The following SYNJ2 variants were observed in gnomAD, a reference collection of about 807,000 sequenced individuals.
SYNJ2 encodes polyphosphatidylinositol phosphatase SYNJ2.
SYNJ2 carries 116 observed loss-of-function variants against 141.3 expected under a neutral mutation model. The ratio of observed to expected loss-of-function variants is 0.82; its 90% CI spans 0.71 to 0.96. SYNJ2 has a LOEUF of 0.96. SYNJ2 is among the 40% of genes least tolerant of loss of function. The pLI, the probability that SYNJ2 is intolerant of heterozygous loss-of-function variation, is 0.00. For missense variants in SYNJ2, 1,873 were observed against 1,934.8 expected (o/e 0.97, Z 0.60); for synonymous variants, 745 against 777.7 (o/e 0.96, Z 0.70).
intron 9 of SYNJ2, 47 bp from the exon 10 acceptor site, chr6:158,064,554 G>T: frequency 6.2e-7 from 1 of 1,604,278 alleles, no homozygotes; most frequent in Non-Finnish European, 8.5e-7. Flanking sequence ...TGGCTGCAGG[G>T]CCTCTGTGGG....
intron 8 of SYNJ2, among the ~76,000 whole-genome samples, chr6:158,062,373 A>G (rs1227790694): frequency 3.3e-5 from 5 of 152,086 alleles, no homozygotes; most frequent in African/African-American, 1.2e-4. Flanking sequence ...GACGCCGGGA[A>G]TCTTGGGTTC....
chr6:158,064,815 G>C lies in SYNJ2; in HGVS notation c.1360-11G>C. The C allele has an allele frequency of 6.2e-7, 1 of 1,609,044 alleles. No homozygotes were observed. Among genetic ancestry groups the C allele is most frequent in the African/African-American group, 1.3e-5 (1 of 75,024 alleles). On this transcript the variant is annotated splice_polypyrimidine_tract_variant and intron_variant, in intron 10 of 26. Transcript: ENST00000355585. Reference sequence around the variant, plus strand: ...ACCCCCCTCACGGCCTGCGGTCTGGGCTCTCGGCAGGTGGGGAAGCTGAAG... The same window carrying C: ...ACCCCCCTCACGGCCTGCGGTCTGGCCTCTCGGCAGGTGGGGAAGCTGAAG...
chr6:158,064,753 AGGGCCCCGCCGAGGGGGCAGGGTGG>A lies in SYNJ2; in HGVS notation c.1359+11_1359+35del. 1 of 1,613,424 alleles carries A rather than the reference AGGGCCCCGCCGAGGGGGCAGGGTGG, an allele frequency of 6.2e-7. No individual in the cohort carries two copies. The highest frequency in any genetic ancestry group is 8.5e-7 in the Non-Finnish European group (1 of 1,179,806). ...GAGCCCTGGAAGGGAAGGCCAAGGT[AGGGCCCCGCCGAGGGGGCAGGGTGG>A]GGGCCCCAGGGACCCCCCTCACGGC... On this transcript the variant is annotated splice_donor_5th_base_variant and intron_variant, in intron 10 of 26. Transcript: ENST00000355585.
At chr6:157,995,470 C>T (rs1322021866) in intron 1 of SYNJ2, among the ~76,000 whole-genome samples, 1 of 152,258 alleles carries the variant, frequency 6.6e-6, no homozygotes, top group Non-Finnish European at 1.5e-5. Flanking sequence ...TGCCTGCCTT[C>T]TCTTCTGAAC....
chr6:157,984,356 G>A (rs13208672), intron 1 of SYNJ2, among the ~76,000 whole-genome samples: 1 of 151,960 alleles, frequency 6.6e-6, no homozygotes, highest in Non-Finnish European at 1.5e-5. Context: ...TGTTCCAAAG[G>A]GCTAGCTAGC....
chr6:158,083,372 T>C, intron 20 of SYNJ2, 57 bp from the exon 21 acceptor site: 1 of 1,582,024 alleles, frequency 6.3e-7, no homozygotes, highest in Admixed American at 1.7e-5. Flanking sequence ...CATTGTGTGA[T>C]CAACAGGAGG....
At chr6:158,023,677 C>T (rs1326237034) in intron 2 of SYNJ2, among the ~76,000 whole-genome samples, 1 of 152,158 alleles carries the variant, frequency 6.6e-6, no homozygotes, top group Non-Finnish European at 1.5e-5. Flanking sequence ...CTTCTGGAAG[C>T]TCACCGTGTG....
At chr6:158,056,869 G>A (rs771910191) in intron 6 of SYNJ2, among the ~76,000 whole-genome samples, 13 of 152,174 alleles carry the variant, frequency 8.5e-5, no homozygotes, top group Admixed American at 3.3e-4. Flanking sequence ...CCTGTTAGCC[G>A]AGGCGGTCTC....
At position 158,059,329 on chromosome 6, in the gene SYNJ2, G is replaced by A. The variant is rs772010086; in HGVS notation, c.930G>A (p.Glu310=). ...VVNLLGSRGG[E]EVLNRAFKKL... ...ACCTTCTGGGAAGCAGAGGCGGAGA[G>A]GAGGTGCTCAACAGAGCCTTCAAGG... The change falls in exon 7 of 27, where the codon GAG becomes GAA. Residue 310 remains glutamate (E), a synonymous_variant. Coordinates refer to ENST00000355585, the MANE Select transcript of SYNJ2 (RefSeq NM_003898.4). The A allele has an allele frequency of 7.7e-6, 12 of 1,550,672 alleles. No individual in the cohort carries two copies. The highest frequency in any genetic ancestry group is 1.7e-4 in the Middle Eastern group (1 of 5,990).
rs1779196059 is a variant in SYNJ2, at chr6:158,028,748, C to T, written c.215-8C>T. 6.2e-7 allele frequency: 1 copy of T among 1,613,048 alleles called. No individual in the cohort carries two copies. The highest frequency in any genetic ancestry group is 1.3e-5 in the African/African-American group (1 of 74,886). ...ACCCTGAGCTCTCCTGTCTGATTTC[C>T]TTTCCAGGTGGCACGTCTCTGAGCT... is the stretch of plus-strand genomic sequence containing the variant. On this transcript the variant is annotated splice_region_variant and splice_polypyrimidine_tract_variant and intron_variant, in intron 2 of 26. Coordinates refer to ENST00000355585, the MANE Select transcript of SYNJ2 (RefSeq NM_003898.4).
At chr6:158,026,769 T>C (rs1779070012) in intron 2 of SYNJ2, 5 of 957,686 alleles carry the variant, frequency 5.2e-6, no homozygotes, top group Non-Finnish European at 6.2e-6. Flanking sequence ...ACAGGGGCCA[T>C]CCTCCTGCCT....
At chr6:158,005,954 C>T (rs1008844540) in intron 1 of SYNJ2, among the ~76,000 whole-genome samples, 2 of 152,190 alleles carry the variant, frequency 1.3e-5, no homozygotes, top group Non-Finnish European at 2.9e-5. Context: ...GTGCAGATGC[C>T]CATGGCCTGC....
intron 16 of SYNJ2, among the ~76,000 whole-genome samples, chr6:158,075,279 C>G (rs1052453913): frequency 6.6e-6 from 1 of 151,748 alleles, no homozygotes; most frequent in African/African-American, 2.4e-5. Context: ...TGTTTGCTTC[C>G]TAGCAGGATG....
Position 158,040,763 on chromosome 6 carries a change from G to A in SYNJ2, c.712-2553G>A, listed in dbSNP as rs1485049279. On this transcript the variant is annotated intron_variant, in intron 4 of 26. Transcript: ENST00000355585. The surrounding 1 kb of genome is among the most constrained non-coding windows in gnomAD (Gnocchi z 4.2). ...CGTCGCTCTCTTTTTATGGCCATTA[G>A]GTTTCTGTTCCCACTGCTCTGGAAG... is the stretch of plus-strand genomic sequence containing the variant. Among the ~76,000 whole-genome samples, 1 of 152,134 alleles carries A rather than the reference G, an allele frequency of 6.6e-6. No individual in the cohort carries two copies. The highest frequency in any genetic ancestry group is 6.5e-5 in the Admixed American group (1 of 15,286).
At chr6:158,059,377 C>T in intron 7 of SYNJ2, 24 bp downstream of exon 7, 1 of 1,548,382 alleles carries the variant, frequency 6.5e-7, no homozygotes. Flanking sequence ...GTCCTCTCCA[C>T]AGCTGGGCTG....
chr6:157,986,920 T>A (rs942774074), intron 1 of SYNJ2, among the ~76,000 whole-genome samples: 1 of 151,778 alleles, frequency 6.6e-6, no homozygotes, highest in Non-Finnish European at 1.5e-5. Flanking sequence ...ATTTGTTGGG[T>A]TGGCTTTTTT....
rs770882873 is a variant in SYNJ2 at position 158,074,738 on chromosome 6, A to G, written c.2292A>G (p.Lys764=). 10 of 1,611,874 alleles carry G rather than the reference A, an allele frequency of 6.2e-6. No homozygotes were observed. The South Asian group carries it at 1.0e-4, about 16-fold the overall frequency. ...TACAGCTACAGAAATCAAGTGGAAA[A>G]GTAAGTTGTGCTTTAAAAACATTTT... ...DQLQLQKSSG[K]IFKDFHEGAI... Residue 764 remains lysine (K), a splice_region_variant and synonymous_variant, in exon 16 of 27, where the codon AAA becomes AAG. Coordinates refer to ENST00000355585, the MANE Select transcript of SYNJ2 (RefSeq NM_003898.4).
chr6:158,062,026 C>T lies in SYNJ2; in HGVS notation c.989C>T (p.Thr330Met), dbSNP rs369496843. Residue 330 changes from threonine to methionine, a missense_variant, in exon 8 of 27, where the codon ACG becomes ATG. By Grantham distance (81) the Thr-to-Met change is moderately conservative. Coordinates refer to ENST00000355585, the MANE Select transcript of SYNJ2 (RefSeq NM_003898.4). ...LLWASCHAGD[T>M]PMINFDFHQF... ...TGGGCTTCTTGCCACGCGGGCGACA[C>T]GCCTATGATCAATTTTGACTTCCAT... 25 of 1,614,114 alleles carry T rather than the reference C, an allele frequency of 1.5e-5. No homozygotes were observed. Among genetic ancestry groups the T allele is most frequent in the South Asian group, 3.3e-5 (3 of 91,082 alleles).
At chr6:158,046,631 A>G (rs142886875) in intron 5 of SYNJ2, among the ~76,000 whole-genome samples, 2 of 152,268 alleles carry the variant, frequency 1.3e-5, no homozygotes, top group Admixed American at 1.3e-4. Flanking sequence ...GGCAGGGTTG[A>G]GCAGAGGGTG....
Sources: gnomAD v4.1 joint callset for allele counts (sites outside exome capture counted in the v4.1 genomes callset) on GRCh38, gnomAD v4.1.1 for gene constraint, Gnocchi (gnomAD v3.1) non-coding constraint, MANE v1.5 for transcripts, NCBI Gene and HGNC (gene_info 2026-07-23, HGNC 2026-07-21) for gene names.